Variants in C16orf95 observed in about 807,000 individuals in gnomAD.
C16orf95 encodes the protein uncharacterized protein C16orf95.
C16orf95 carries 41 observed loss-of-function variants against 32.1 expected under a neutral mutation model. The ratio of observed to expected loss-of-function variants is 1.28; its 90% CI spans 1.00 to 1.66. The LOEUF (loss-of-function observed/expected upper bound fraction) is 1.66, where lower values mean the gene tolerates loss of function less well. Among genes scored for constraint, C16orf95 ranks in the 40% most tolerant of loss-of-function variants. The pLI is 0.00. For missense variants in C16orf95, 399 were observed against 325.9 expected, an observed-to-expected ratio of 1.22 and a Z score of -1.73; for synonymous variants, 147 against 128.9, an observed-to-expected ratio of 1.14 and a Z score of -0.95.
chr16:87,314,057 C>CT (rs1911397978), intron 3 of C16orf95, among the ~76,000 whole-genome samples: 1 of 152,120 alleles, frequency 6.6e-6, no homozygotes, highest in Admixed American at 6.6e-5. Flanking sequence ...GGAACTGGAA[C>CT]TTTAGACACT....
At chr16:87,307,106 A>G (rs1911063659) in intron 5 of C16orf95, among the ~76,000 whole-genome samples, 1 of 152,144 alleles carries the variant, frequency 6.6e-6, no homozygotes, top group Non-Finnish European at 1.5e-5. Flanking sequence ...AGGGACCCCA[A>G]CTCCATTCAC....
Position 87,311,233 on chromosome 16 carries a change from G to T in C16orf95, c.394C>A (p.Arg132Ser). The change falls in exon 4 of 7, where the codon CGC becomes AGC. Residue 132 changes from arginine (R) to serine (S), a missense_variant. Transcript: ENST00000567970. ...GGCATCGGGAGGCGGCCCCCAAAGC[G>T]GTGGCATAGGCAGGGGCACATCTTG... is the stretch of plus-strand genomic sequence containing the variant. Reference protein sequence around the residue: ...TAKMCPCLCHRFGGRLPMPRD... With the variant: ...TAKMCPCLCHSFGGRLPMPRD... 6.5e-7 allele frequency: 1 copy of T among 1,535,882 alleles called. No individual in the cohort carries two copies. The highest frequency in any genetic ancestry group is 1.2e-5 in the South Asian group (1 of 84,042).
rs550478762 is a variant in C16orf95 at position 87,317,389 on chromosome 16, C to T, written c.-147G>A. 3.1e-5 allele frequency: 43 copies of T among 1,392,970 alleles called. No individual in the cohort carries two copies. In the African/African-American group the frequency reaches 5.5e-4, roughly 18 times the overall value. 86.3% of individuals were successfully genotyped at this position (1,392,970 alleles called of 1,614,324 possible). A position where few individuals can be genotyped will look rare whatever the true frequency, so the allele number is the denominator to read the frequency against. On this transcript the variant is annotated 5_prime_UTR_variant, in exon 1 of 7. Transcript: ENST00000567970. Reference sequence around the variant, plus strand: ...ACCTCAACCGCTCAGAGGAGCCCAACAACGCCCGCGCGCCCGCCCGTCCCG... The same window carrying T: ...ACCTCAACCGCTCAGAGGAGCCCAATAACGCCCGCGCGCCCGCCCGTCCCG...
chr16:87,308,775 C>A (rs1911140953), intron 5 of C16orf95, among the ~76,000 whole-genome samples: 2 of 152,226 alleles, frequency 1.3e-5, no homozygotes, highest in South Asian at 4.1e-4. Flanking sequence ...TTTAGAATTT[C>A]CACTGAAAGC....
Position 87,304,975 on chromosome 16 carries a change from C to G in C16orf95, c.701+744G>C, listed in dbSNP as rs188473249. 3.3e-5 allele frequency among the ~76,000 whole-genome samples: 5 copies of G among 152,318 alleles called. No individual in the cohort carries two copies. In the East Asian group the frequency reaches 9.7e-4, roughly 29 times the overall value. On this transcript the variant is annotated intron_variant, in intron 6 of 6. Coordinates refer to ENST00000567970, the MANE Select transcript of C16orf95 (RefSeq NM_001195124.3). ...TGTGTGTGTGCGTTTGTTCACAGGT[C>G]TCCTCATCCATGCAGTGTGATGCAG...
intron 3 of C16orf95, 41 bp downstream of exon 3, chr16:87,314,930 C>T: frequency 1.3e-6 from 2 of 1,526,820 alleles, no homozygotes; most frequent in East Asian, 2.5e-5. Flanking sequence ...TGACATTCAC[C>T]CTGGACCCTA....
Position 87,308,958 on chromosome 16 carries a change from G to A in C16orf95, c.514+1339C>T, listed in dbSNP as rs552140303. ...CATCAGTCCTCTTCAGTTAGGGCAT[G>A]AACACGATGAATGTTTTTTCTCACA... is the stretch of plus-strand genomic sequence containing the variant. On this transcript the variant is annotated intron_variant, in intron 5 of 6. Coordinates refer to ENST00000567970, the MANE Select transcript of C16orf95 (RefSeq NM_001195124.3). Among the ~76,000 whole-genome samples, 5 of 152,330 alleles carry A rather than the reference G, an allele frequency of 3.3e-5. No homozygotes were observed. In the South Asian group the frequency reaches 1.0e-3, roughly 32 times the overall value.
rs1415624609 is a variant in C16orf95, at chr16:87,305,504, C to CACCCCCACGAGGCCCCCGCT, written c.701+214_701+215insAGCGGGGGCCTCGTGGGGGT. On this transcript the variant is annotated intron_variant, in intron 6 of 6. Coordinates refer to ENST00000567970, the MANE Select transcript of C16orf95 (RefSeq NM_001195124.3). This position sits in a 1 kb window ranked among gnomAD's most constrained non-coding sequence, Gnocchi z 4.2. ...TGGAAGTGCCCCACGAGGCCCCCGC[C>CACCCCCACGAGGCCCCCGCT]GCCCCCAGGCTGCCCTGGCATCTCT... Among the ~76,000 whole-genome samples the CACCCCCACGAGGCCCCCGCT allele has an allele frequency of 6.6e-6, 1 of 152,094 alleles. No homozygotes were observed. The highest frequency in any genetic ancestry group is 1.5e-5 in the Non-Finnish European group (1 of 67,994).
chr16:87,307,960 GATT>G (rs1911101487), intron 5 of C16orf95, among the ~76,000 whole-genome samples: 1 of 152,058 alleles, frequency 6.6e-6, no homozygotes, highest in South Asian at 2.1e-4. Context: ...GCCCTTTAAA[GATT>G]TTTTAAGATT....
chr16:87,311,048 C>T, intron 4 of C16orf95, 102 bp downstream of exon 4: 1 of 1,165,630 alleles, frequency 8.6e-7, no homozygotes, highest in Non-Finnish European at 1.2e-6. Flanking sequence ...TTTGTGGGAG[C>T]AGAGCCCAGG....
intron 1 of C16orf95, 68 bp downstream of exon 1, chr16:87,317,023 C>T: frequency 5.5e-6 from 8 of 1,455,808 alleles, no homozygotes; most frequent in South Asian, 1.4e-5. Context: ...GGTCATGGAG[C>T]AATGCCGGGC....
intron 1 of C16orf95, 64 bp downstream of exon 1, chr16:87,317,027 G>T: frequency 6.9e-7 from 1 of 1,458,172 alleles, no homozygotes; most frequent in South Asian, 1.4e-5. Flanking sequence ...ATGGAGCAAT[G>T]CCGGGCCGGG....
At chr16:87,316,230 A>G (rs1904329980) in intron 1 of C16orf95, among the ~76,000 whole-genome samples, 1 of 152,212 alleles carries the variant, frequency 6.6e-6, no homozygotes, top group African/African-American at 2.4e-5. Context: ...AATACTGAAG[A>G]AAAAACATCG....
chr16:87,316,757 G>A (rs904493670), intron 1 of C16orf95, among the ~76,000 whole-genome samples: 2 of 152,138 alleles, frequency 1.3e-5, no homozygotes, highest in East Asian at 3.9e-4. Flanking sequence ...TGTTGAGGTT[G>A]ATAATCTGAT....
Position 87,317,362 on chromosome 16 carries a change from C to T in C16orf95, c.-120G>A. 7.1e-7 allele frequency: 1 copy of T among 1,412,424 alleles called. No homozygotes were observed. Among genetic ancestry groups the T allele is most frequent in the African/African-American group, 1.5e-5 (1 of 68,700 alleles). The allele number at this position is 1,412,424 out of a possible 1,614,324, so 87.5% of individuals were successfully genotyped here. A position where few individuals can be genotyped will look rare whatever the true frequency, so the allele number is the denominator to read the frequency against. ...CCCAACCCGAGCTCAACCCCAGCCC[C>T]AACCTCAACCGCTCAGAGGAGCCCA... On this transcript the variant is annotated 5_prime_UTR_variant, in exon 1 of 7. Transcript: ENST00000567970.
At chr16:87,303,503 A>T (rs773591414) in intron 6 of C16orf95, 1 of 179,314 alleles carries the variant, frequency 5.6e-6, no homozygotes, top group African/African-American at 2.3e-5. Flanking sequence ...TCCTGAGATA[A>T]GCTGGGTTGG....
In C16orf95 at chr16:87,313,488, C is replaced by G. The variant is rs770528565; in HGVS notation, c.330+1483G>C. 9.2e-5 allele frequency among the ~76,000 whole-genome samples: 14 copies of G among 152,166 alleles called. 1 individual carries two copies. Among genetic ancestry groups the G allele is most frequent in the Admixed American group, 1.3e-4 (2 of 15,282 alleles). Reference sequence around the variant, plus strand: ...GCAGCTCATGCCTGTAATCCCAGCACTTTGGGAGGCCGAGGCGGGTGGGTC... The same window carrying G: ...GCAGCTCATGCCTGTAATCCCAGCAGTTTGGGAGGCCGAGGCGGGTGGGTC... On this transcript the variant is annotated intron_variant, in intron 3 of 6. Coordinates refer to ENST00000567970, the MANE Select transcript of C16orf95 (RefSeq NM_001195124.3).
chr16:87,308,961 C>T (rs748412119), intron 5 of C16orf95, among the ~76,000 whole-genome samples: 1 of 152,220 alleles, frequency 6.6e-6, no homozygotes, highest in Non-Finnish European at 1.5e-5. Context: ...AGGGCATGAA[C>T]ACGATGAATG....
chr16:87,306,213 T>C (rs932074791), intron 5 of C16orf95: 1 of 222,602 alleles, frequency 4.5e-6, no homozygotes. Context: ...GGAGCGGGAG[T>C]GGGTGGTGAA....
Sources: gnomAD v4.1 joint callset for allele counts (sites outside exome capture counted in the v4.1 genomes callset) on GRCh38, gnomAD v4.1.1 for gene constraint, Gnocchi (gnomAD v3.1) non-coding constraint, MANE v1.5 for transcripts, NCBI Gene and HGNC (gene_info 2026-07-23, HGNC 2026-07-21) for gene names.